The following DLG2 variants were observed in gnomAD, a reference collection of about 807,000 sequenced individuals.
DLG2 encodes discs large MAGUK scaffold protein 2, also known as disks large homolog 2.
A neutral mutation model predicts 132.5 loss-of-function variants in DLG2; 45 were observed. That is an observed-to-expected ratio of 0.34 (90% CI 0.27 to 0.44). DLG2 has a LOEUF of 0.44. Among genes scored for constraint, DLG2 ranks in the 20% least tolerant of loss-of-function variants. The pLI is 1.00. For synonymous variants in DLG2, 424 were observed against 419.6 expected, an observed-to-expected ratio of 1.01 and a Z score of -0.13; for missense variants, 1,045 against 1,196.9, an observed-to-expected ratio of 0.87 and a Z score of 1.87.
chr11:84,898,038 C>T (rs770186244), intron 6 of DLG2, among the ~76,000 whole-genome samples: 2 of 151,782 alleles, frequency 1.3e-5, no homozygotes, highest in Non-Finnish European at 2.9e-5. Flanking sequence ...TTTACAATTC[C>T]CTAAATAACT....
In DLG2 at chr11:84,358,328, A is replaced by G. The variant is rs115932988; in HGVS notation, c.520-107037T>C. ...GAGCTCAGTAAGGGCACCTGTTCTT[A>G]TAACTTCTGTCTTCATCAAACAGCA... On this transcript the variant is annotated intron_variant, in intron 7 of 27. Coordinates refer to ENST00000376104, the MANE Select transcript of DLG2 (RefSeq NM_001142699.3). Among the ~76,000 whole-genome samples the G allele has an allele frequency of 7.6e-3, 1,123 of 147,722 alleles. 10 individuals are homozygous for G. The highest frequency in any genetic ancestry group is 0.026 in the African/African-American group (1,050 of 40,044).
At chr11:83,809,001 C>G (rs2046612710) in intron 17 of DLG2, among the ~76,000 whole-genome samples, 1 of 152,034 alleles carries the variant, frequency 6.6e-6, no homozygotes. Flanking sequence ...CAGCTGGTCT[C>G]ACTTGCTTTT....
At chr11:83,583,418 C>T (rs1389357586) in intron 19 of DLG2, among the ~76,000 whole-genome samples, 1 of 152,174 alleles carries the variant, frequency 6.6e-6, no homozygotes, top group Non-Finnish European at 1.5e-5. Context: ...GGCAGTGTGG[C>T]ATGGTGGCTA....
intron 7 of DLG2, among the ~76,000 whole-genome samples, chr11:84,378,233 GTTTGCTCT>G (rs1331709072): frequency 6.6e-6 from 1 of 152,120 alleles, no homozygotes; most frequent in Non-Finnish European, 1.5e-5. Flanking sequence ...CAGGGGGCTG[GTTTGCTCT>G]TTCTCTTGCT....
At chr11:84,107,594 T>A (rs2093055579) in intron 9 of DLG2, among the ~76,000 whole-genome samples, 1 of 151,990 alleles carries the variant, frequency 6.6e-6, no homozygotes, top group Admixed American at 6.6e-5. Context: ...TTAGAAAAAA[T>A]AAGTTCGCTT....
intron 18 of DLG2, among the ~76,000 whole-genome samples, chr11:83,731,721 C>T (rs2091045595): frequency 1.3e-5 from 2 of 152,300 alleles, no homozygotes; most frequent in South Asian, 4.2e-4. Context: ...ACACTGTCTT[C>T]CACAATGGTT....
At chr11:84,508,673 T>C (rs1224228798) in intron 7 of DLG2, among the ~76,000 whole-genome samples, 1 of 152,212 alleles carries the variant, frequency 6.6e-6, no homozygotes, top group South Asian at 2.1e-4. Context: ...GTGCTGGGAT[T>C]ACAAGCATGA....
At chr11:84,894,186 T>C (rs928192777) in intron 6 of DLG2, among the ~76,000 whole-genome samples, 2 of 152,188 alleles carry the variant, frequency 1.3e-5, no homozygotes, top group Admixed American at 1.3e-4. Flanking sequence ...CTGGAATCCT[T>C]GTACAGTCAA....
intron 7 of DLG2, among the ~76,000 whole-genome samples, chr11:84,313,748 C>G (rs554319406): frequency 1.3e-5 from 2 of 152,240 alleles, no homozygotes; most frequent in South Asian, 4.1e-4. Context: ...ACTCTGGTCT[C>G]TGAGTCTCCA....
At chr11:83,639,881 TCA>T (rs1394275851) in intron 18 of DLG2, among the ~76,000 whole-genome samples, 2 of 152,068 alleles carry the variant, frequency 1.3e-5, no homozygotes, top group Non-Finnish European at 2.9e-5. Flanking sequence ...TTACTGAACC[TCA>T]GTTTGTTCAT....
intron 9 of DLG2, among the ~76,000 whole-genome samples, chr11:84,129,926 C>T (rs2154215491): frequency 6.6e-6 from 1 of 151,950 alleles, no homozygotes; most frequent in Non-Finnish European, 1.5e-5. Flanking sequence ...AAGACAATTA[C>T]CATATAGTAA....
intron 7 of DLG2, among the ~76,000 whole-genome samples, chr11:84,465,687 G>C (rs914026743): frequency 2.0e-4 from 30 of 151,196 alleles, no homozygotes; most frequent in African/African-American, 7.3e-4. Flanking sequence ...CATTTTTATG[G>C]TACAAAACTA....
chr11:84,840,701 T>G (rs2080522149), intron 6 of DLG2, among the ~76,000 whole-genome samples: 1 of 152,108 alleles, frequency 6.6e-6, no homozygotes, highest in African/African-American at 2.4e-5. Flanking sequence ...GGGACATGGA[T>G]GAAGCTGGAA....
At chr11:84,522,146 C>T (rs552644406) in intron 7 of DLG2, among the ~76,000 whole-genome samples, 31 of 147,994 alleles carry the variant, frequency 2.1e-4, no homozygotes, top group African/African-American at 5.8e-4. Context: ...CCAGCCTGGG[C>T]GACAGAGCGA....
chr11:84,873,744 G>A (rs2085870623), intron 6 of DLG2, among the ~76,000 whole-genome samples: 1 of 152,196 alleles, frequency 6.6e-6, no homozygotes, highest in Admixed American at 6.5e-5. Context: ...GAGGTTCATT[G>A]AGCAATAATA....
At chr11:84,873,108 G>A (rs1031511680) in intron 6 of DLG2, among the ~76,000 whole-genome samples, 4 of 152,158 alleles carry the variant, frequency 2.6e-5, no homozygotes, top group Non-Finnish European at 5.9e-5. Context: ...TTTCATATAC[G>A]TGATTAAGCT....
At chr11:84,114,034 T>C (rs977363303) in intron 9 of DLG2, among the ~76,000 whole-genome samples, 3 of 152,026 alleles carry the variant, frequency 2.0e-5, no homozygotes, top group African/African-American at 7.2e-5. Flanking sequence ...ATTTCGAAAA[T>C]GTAAAACAAT....
chr11:84,558,268 C>A (rs778713440), intron 6 of DLG2, among the ~76,000 whole-genome samples: 7 of 152,162 alleles, frequency 4.6e-5, no homozygotes, highest in Non-Finnish European at 1.0e-4. Flanking sequence ...GCAGCATTCA[C>A]TGTCAGCCAC....
At chr11:85,516,147 A>T (rs192684539) in intron 3 of DLG2, among the ~76,000 whole-genome samples, 24 of 152,158 alleles carry the variant, frequency 1.6e-4, no homozygotes, top group African/African-American at 5.1e-4. Context: ...TTCTAAGAAG[A>T]ACTCTCAAAA....
Sources: allele counts gnomAD v4.1 joint callset (sites outside exome capture counted in the v4.1 genomes callset), GRCh38; gene constraint gnomAD v4.1.1; transcripts MANE v1.5; gene names NCBI Gene and HGNC (gene_info 2026-07-23, HGNC 2026-07-21).